EYA1: variants seen among roughly 807,000 people sequenced by gnomAD.
The protein encoded by EYA1 is protein phosphatase EYA1.
EYA1 carries 16 observed loss-of-function variants against 82.0 expected under a neutral mutation model. The ratio of observed to expected loss-of-function variants is 0.20; its 90% CI spans 0.13 to 0.30. The LOEUF (loss-of-function observed/expected upper bound fraction) is 0.30. EYA1 is among the 10% of genes least tolerant of loss of function. The probability of loss-of-function intolerance (pLI) is 1.00; values close to 1 mark genes in which losing one functional copy is unlikely to be tolerated. For missense variants in EYA1, 633 were observed against 730.7 expected, an observed-to-expected ratio of 0.87 and a Z score of 1.54; for synonymous variants, 261 against 264.4, an observed-to-expected ratio of 0.99 and a Z score of 0.12.
intron 8 of EYA1, 72 bp downstream of exon 8, chr8:71,299,566 C>T: frequency 3.2e-6 from 3 of 928,250 alleles, no homozygotes. Flanking sequence ...ATAAACAGAT[C>T]TTTCTTTACA....
intron 12 of EYA1, among the ~76,000 whole-genome samples, chr8:71,220,513 A>G (rs954196757): frequency 6.6e-6 from 1 of 152,200 alleles, no homozygotes; most frequent in Non-Finnish European, 1.5e-5. Context: ...ACTAATGGGT[A>G]TCTTAGCTTA....
intron 2 of EYA1, among the ~76,000 whole-genome samples, chr8:71,400,808 A>T (rs1464136125): frequency 6.6e-6 from 1 of 152,202 alleles, no homozygotes; most frequent in Non-Finnish European, 1.5e-5. Flanking sequence ...AGGAATATAA[A>T]TCATTCTATT....
intron 2 of EYA1, among the ~76,000 whole-genome samples, chr8:71,457,157 A>G (rs1807996644): frequency 6.6e-6 from 1 of 152,248 alleles, no homozygotes; most frequent in African/African-American, 2.4e-5. Context: ...GACACATGAA[A>G]AAATGCTCAT....
At chr8:71,395,781 G>A (rs1053977445) in intron 2 of EYA1, among the ~76,000 whole-genome samples, 25 of 151,982 alleles carry the variant, frequency 1.6e-4, no homozygotes, top group Admixed American at 9.8e-4. Context: ...GCCAGGGTTT[G>A]GTATCAGGAT....
chr8:71,353,808 T>C (rs1219361749), intron 3 of EYA1, among the ~76,000 whole-genome samples: 1 of 152,108 alleles, frequency 6.6e-6, no homozygotes, highest in East Asian at 1.9e-4. Flanking sequence ...GAAATGATGG[T>C]TAAGAGTTTT....
intron 2 of EYA1, among the ~76,000 whole-genome samples, chr8:71,509,417 A>T (rs1324543234): frequency 6.6e-6 from 1 of 152,182 alleles, no homozygotes; most frequent in Non-Finnish European, 1.5e-5. Context: ...ACTTTCACAG[A>T]AAAGTAAGTA....
rs1456384566 is a variant in EYA1 at position 71,197,560 on chromosome 8, T to C, written c.*1780A>G. On this transcript the variant is annotated 3_prime_UTR_variant, in exon 18 of 18. Transcript: ENST00000340726. Reference sequence around the variant, plus strand: ...CAAGATAAACTTTGTCTTTTCAGTCTGCAGAGTACAAAAACATAAAATGAA... The same window carrying C: ...CAAGATAAACTTTGTCTTTTCAGTCCGCAGAGTACAAAAACATAAAATGAA... The C allele has an allele frequency of 6.5e-6, 1 of 152,680 alleles. No individual in the cohort carries two copies. The highest frequency in any genetic ancestry group is 1.9e-4 in the East Asian group (1 of 5,180). 9.5% of individuals were successfully genotyped at this position (152,680 alleles called of 1,614,324 possible). A position where few individuals can be genotyped will look rare whatever the true frequency, so the allele number is the denominator to read the frequency against.
intron 2 of EYA1, among the ~76,000 whole-genome samples, chr8:71,397,627 T>A (rs889286735): frequency 9.2e-5 from 14 of 152,224 alleles, no homozygotes; most frequent in Admixed American, 7.8e-4. Context: ...CCCACTCTCT[T>A]TTGGCTTATA....
At position 71,297,943 on chromosome 8, in the gene EYA1, T is replaced by G. The variant is rs571056092; in HGVS notation, c.826+1104A>C. On this transcript the variant is annotated intron_variant, in intron 9 of 17. Coordinates refer to ENST00000340726, the MANE Select transcript of EYA1 (RefSeq NM_000503.6). ...AATGTGCAGCAGAAATAATGAGCATTAGAAGTTAATTGAAAGACAAGAATG... is the reference window on the plus strand; with the variant it reads ...AATGTGCAGCAGAAATAATGAGCATGAGAAGTTAATTGAAAGACAAGAATG... Among the ~76,000 whole-genome samples, 3 of 152,210 alleles carry G rather than the reference T, an allele frequency of 2.0e-5. No homozygotes were observed. The South Asian group carries it at 6.2e-4, about 32-fold the overall frequency.
At chr8:71,355,659 C>T (rs914373416) in intron 2 of EYA1, among the ~76,000 whole-genome samples, 1 of 152,198 alleles carries the variant, frequency 6.6e-6, no homozygotes, top group Non-Finnish European at 1.5e-5. Context: ...AATACCTCAG[C>T]TGTCACTTAC....
chr8:71,311,221 A>AT, intron 7 of EYA1, among the ~76,000 whole-genome samples: 1 of 152,322 alleles, frequency 6.6e-6, no homozygotes, highest in East Asian at 1.9e-4. Context: ...CAGACCTTGC[A>AT]TTTTTAAAGG....
intron 9 of EYA1, among the ~76,000 whole-genome samples, chr8:71,274,517 T>G (rs1479832061): frequency 6.6e-5 from 10 of 152,178 alleles, no homozygotes; most frequent in Non-Finnish European, 1.3e-4. Context: ...TTGGAGGGCA[T>G]TCATTGATTT....
At chr8:71,336,542 C>T (rs1824504835) in intron 3 of EYA1, among the ~76,000 whole-genome samples, 1 of 152,166 alleles carries the variant, frequency 6.6e-6, no homozygotes, top group Admixed American at 6.5e-5. Flanking sequence ...TTCTGTACCC[C>T]TAAAATTGAC....
chr8:71,495,106 A>C (rs1372735599), intron 2 of EYA1, among the ~76,000 whole-genome samples: 1 of 152,224 alleles, frequency 6.6e-6, no homozygotes. Flanking sequence ...AGAAAAGAAA[A>C]GAAACTGAGA....
At chr8:71,460,314 A>C (rs1808267985) in intron 2 of EYA1, among the ~76,000 whole-genome samples, 1 of 152,224 alleles carries the variant, frequency 6.6e-6, no homozygotes, top group South Asian at 2.1e-4. Flanking sequence ...TTACACTTCT[A>C]GGGAAGTGAC....
intron 11 of EYA1, among the ~76,000 whole-genome samples, chr8:71,263,040 G>T (rs1208664441): frequency 6.6e-6 from 1 of 152,222 alleles, no homozygotes; most frequent in African/African-American, 2.4e-5. Context: ...GGCTCTGTCA[G>T]TGTGGCTAGA....
chr8:71,527,231 CACCAAA>C (rs1813885759), intron 2 of EYA1, among the ~76,000 whole-genome samples: 1 of 152,168 alleles, frequency 6.6e-6, no homozygotes, highest in Non-Finnish European at 1.5e-5. Context: ...GGAACTAGAT[CACCAAA>C]CTGAGTACTT....
chr8:71,285,753 G>A (rs988912325), intron 9 of EYA1, among the ~76,000 whole-genome samples: 1 of 152,194 alleles, frequency 6.6e-6, no homozygotes, highest in Non-Finnish European at 1.5e-5. Flanking sequence ...TGTTAACAAA[G>A]TAAGTGCTTC....
chr8:71,208,932 G>A (rs1808179518), intron 17 of EYA1, among the ~76,000 whole-genome samples: 1 of 152,162 alleles, frequency 6.6e-6, no homozygotes, highest in Admixed American at 6.5e-5. Flanking sequence ...AGATCCAAAG[G>A]ATTTCACTTG....
Sources: allele counts gnomAD v4.1 joint callset (sites outside exome capture counted in the v4.1 genomes callset), GRCh38; gene constraint gnomAD v4.1.1; transcripts MANE v1.5; gene names NCBI Gene and HGNC (gene_info 2026-07-23, HGNC 2026-07-21).